The following BTRC variants were observed in gnomAD, a reference collection of about 807,000 sequenced individuals.
BTRC encodes the protein beta-transducin repeat containing E3 ubiquitin protein ligase.
In BTRC, 42 loss-of-function variants were observed where a neutral mutation model predicts 85.5. That is an observed-to-expected ratio of 0.49 (90% CI 0.38 to 0.64). BTRC has a LOEUF of 0.64. Ranked by LOEUF, BTRC falls within the 30% of genes least tolerant of loss-of-function variation. The pLI is 0.00. For synonymous variants in BTRC, 255 were observed against 263.3 expected (o/e 0.97, Z 0.30); for missense variants, 594 against 743.5 (o/e 0.80, Z 2.34).
At chr10:101,516,957 T>TA (rs1348492274) in intron 4 of BTRC, among the ~76,000 whole-genome samples, 1 of 152,140 alleles carries the variant, frequency 6.6e-6, no homozygotes, top group Non-Finnish European at 1.5e-5. Context: ...TAAAAAATGA[T>TA]AGAGTTTGGG....
intron 1 of BTRC, among the ~76,000 whole-genome samples, chr10:101,425,963 A>C (rs183390419): frequency 6.6e-6 from 1 of 152,230 alleles, no homozygotes; most frequent in Admixed American, 6.5e-5. Context: ...TTTAAAGGGC[A>C]TTATTTATTA....
chr10:101,476,102 TC>T (rs1488689397), intron 3 of BTRC, among the ~76,000 whole-genome samples: 2 of 151,810 alleles, frequency 1.3e-5, no homozygotes, highest in African/African-American at 2.4e-5. Context: ...CTCTAAAGTA[TC>T]TTTCCCCAAA....
chr10:101,483,792 C>A (rs1945910218), intron 4 of BTRC, among the ~76,000 whole-genome samples: 1 of 152,028 alleles, frequency 6.6e-6, no homozygotes, highest in Non-Finnish European at 1.5e-5. Context: ...TCATTATTAA[C>A]TGTCAACTTA....
chr10:101,554,411 TG>T lies in BTRC; in HGVS notation c.*1289del, dbSNP rs1374583333. 1 of 152,520 alleles carries T rather than the reference TG, an allele frequency of 6.6e-6. No homozygotes were observed. Among genetic ancestry groups the T allele is most frequent in the African/African-American group, 2.4e-5 (1 of 41,444 alleles). 9.4% of individuals were successfully genotyped at this position (152,520 alleles called of 1,614,324 possible). A position where few individuals can be genotyped will look rare whatever the true frequency, so the allele number is the denominator to read the frequency against. Reference sequence around the variant, plus strand: ...GATGGTCAGGAGAAAACACTGTTTTTGTTTTTTTTGTTGTTTTGTTTTGTTT... The same window carrying T: ...GATGGTCAGGAGAAAACACTGTTTTTTTTTTTTTGTTGTTTTGTTTTGTTT... On this transcript the variant is annotated 3_prime_UTR_variant, in exon 15 of 15. Coordinates refer to ENST00000370187, the MANE Select transcript of BTRC (RefSeq NM_033637.4).
intron 11 of BTRC, 61 bp from the exon 12 acceptor site, chr10:101,536,482 T>C: frequency 2.3e-6 from 3 of 1,302,500 alleles, no homozygotes; most frequent in Non-Finnish European, 3.3e-6. Flanking sequence ...TGTATTGTTA[T>C]AACATTCCAG....
At chr10:101,373,939 GAA>G (rs576923560) in intron 1 of BTRC, among the ~76,000 whole-genome samples, 2 of 124,080 alleles carry the variant, frequency 1.6e-5, no homozygotes, top group Non-Finnish European at 1.7e-5. Context: ...AAACAAGACA[GAA>G]AAAAAAAAAA....
At chr10:101,391,958 G>A (rs1422984923) in intron 1 of BTRC, among the ~76,000 whole-genome samples, 1 of 152,124 alleles carries the variant, frequency 6.6e-6, no homozygotes, top group Non-Finnish European at 1.5e-5. Context: ...AGAGTCAATT[G>A]ACAGTTTACT....
chr10:101,424,836 T>A (rs1214476971), intron 1 of BTRC, among the ~76,000 whole-genome samples: 2 of 152,226 alleles, frequency 1.3e-5, no homozygotes, highest in Non-Finnish European at 2.9e-5. Context: ...TTGGGGTATA[T>A]GTGCAGGTTT....
chr10:101,542,196 G>A (rs1222826921), intron 13 of BTRC, among the ~76,000 whole-genome samples: 2 of 151,884 alleles, frequency 1.3e-5, no homozygotes, highest in East Asian at 3.9e-4. Flanking sequence ...GAAATTTATT[G>A]AAATAAAGTT....
At chr10:101,389,117 GTGTTTTTTTTTTTTT>G (rs1360637832) in intron 1 of BTRC, among the ~76,000 whole-genome samples, 2 of 53,050 alleles carry the variant, frequency 3.8e-5, no homozygotes, top group Admixed American at 2.4e-4. Context: ...TTTTTTGTGT[GTGTTTTTTTTTTTTT>G]TTTTTTTTTT....
intron 4 of BTRC, among the ~76,000 whole-genome samples, chr10:101,506,414 T>G (rs538324233): frequency 2.0e-5 from 3 of 152,318 alleles, no homozygotes; most frequent in East Asian, 3.9e-4. Context: ...CATGTTTTTT[T>G]GTAATATTTC....
At chr10:101,431,113 A>G (rs566978784) in intron 2 of BTRC, among the ~76,000 whole-genome samples, 85 of 116,418 alleles carry the variant, frequency 7.3e-4, no homozygotes, top group Admixed American at 3.1e-3. Flanking sequence ...GTCTTGCTTC[A>G]TGGCGCAAGC....
rs1388965166 is a variant in BTRC, at chr10:101,557,036, G to C, written c.*3913G>C. 1 of 152,198 alleles carries C rather than the reference G, an allele frequency of 6.6e-6. No individual in the cohort carries two copies. Among genetic ancestry groups the C allele is most frequent in the African/African-American group, 2.4e-5 (1 of 41,438 alleles). The allele number at this position is 152,198 out of a possible 1,614,324, so 9.4% of individuals were successfully genotyped here. On this transcript the variant is annotated 3_prime_UTR_variant, in exon 15 of 15. Coordinates refer to ENST00000370187, the MANE Select transcript of BTRC (RefSeq NM_033637.4). Reference sequence around the variant, plus strand: ...GCTTTCTCAAAGCGGTGACCACTCAGGCCAGCCCAGACAAATCTGAGGGAT... The same window carrying C: ...GCTTTCTCAAAGCGGTGACCACTCACGCCAGCCCAGACAAATCTGAGGGAT...
chr10:101,446,293 C>G (rs1367179387), intron 2 of BTRC, among the ~76,000 whole-genome samples: 1 of 152,104 alleles, frequency 6.6e-6, no homozygotes, highest in Non-Finnish European at 1.5e-5. Flanking sequence ...TTTTGTCCCT[C>G]ACATCCTGTG....
chr10:101,509,783 G>C (rs1481496667), intron 4 of BTRC, among the ~76,000 whole-genome samples: 1 of 142,450 alleles, frequency 7.0e-6, no homozygotes, highest in Non-Finnish European at 1.5e-5. Context: ...GCTGGTCTCA[G>C]ACTCCTGGGT....
intron 1 of BTRC, among the ~76,000 whole-genome samples, chr10:101,393,058 A>G (rs1589416306): frequency 6.6e-6 from 1 of 151,658 alleles, no homozygotes; most frequent in Non-Finnish European, 1.5e-5. Context: ...GGATCTTAAG[A>G]CCCTCCACTG....
intron 1 of BTRC, among the ~76,000 whole-genome samples, chr10:101,386,802 G>A (rs562367484): frequency 6.6e-6 from 1 of 152,156 alleles, no homozygotes; most frequent in South Asian, 2.1e-4. Flanking sequence ...AATTGGTGGG[G>A]GGTGTTTTTA....
chr10:101,385,699 A>G (rs950481775), intron 1 of BTRC, among the ~76,000 whole-genome samples: 1 of 138,768 alleles, frequency 7.2e-6, no homozygotes, highest in Non-Finnish European at 1.5e-5. Context: ...TTCACTGAAA[A>G]TCTGGTATCA....
At chr10:101,464,890 C>T (rs1270439567) in intron 3 of BTRC, among the ~76,000 whole-genome samples, 6 of 152,186 alleles carry the variant, frequency 3.9e-5, no homozygotes, top group East Asian at 3.9e-4. Context: ...TGGTCACTCC[C>T]TAGGAGCTTG....
Sources: gnomAD v4.1 joint callset for allele counts (sites outside exome capture counted in the v4.1 genomes callset) on GRCh38, gnomAD v4.1.1 for gene constraint, MANE v1.5 for transcripts, NCBI Gene and HGNC (gene_info 2026-07-23, HGNC 2026-07-21) for gene names.